Variants in CNTNAP2 observed in about 807,000 individuals in gnomAD.
The protein encoded by CNTNAP2 is contactin associated protein 2.
A neutral mutation model predicts 155.2 loss-of-function variants in CNTNAP2; 98 were observed. The observed-to-expected ratio is 0.63, with a 90% CI of 0.54 to 0.75. The LOEUF is 0.75. CNTNAP2 is among the 30% of genes least tolerant of loss of function. The pLI is 0.00. For synonymous variants in CNTNAP2, 651 were observed against 631.2 expected (o/e 1.03, Z -0.47); for missense variants, 1,727 against 1,688.1 (o/e 1.02, Z -0.40).
At chr7:148,399,319 T>C (rs1250019857) in intron 22 of CNTNAP2, among the ~76,000 whole-genome samples, 1 of 150,200 alleles carries the variant, frequency 6.7e-6, no homozygotes, top group Non-Finnish European at 1.5e-5. Flanking sequence ...TTTTTAAAAA[T>C]ACGTCTAGCC....
rs534497185 is a variant in CNTNAP2, at chr7:148,380,880, G to T, written c.3476-2769G>T. Among the ~76,000 whole-genome samples the T allele has an allele frequency of 3.9e-5, 6 of 152,324 alleles. No individual in the cohort carries two copies. The East Asian group carries it at 9.7e-4, about 25-fold the overall frequency. On this transcript the variant is annotated intron_variant, in intron 21 of 23. Coordinates refer to ENST00000361727, the MANE Select transcript of CNTNAP2 (RefSeq NM_014141.6). Reference sequence around the variant, plus strand: ...CCGCTTTGTGGGACTTGCAACAGGGGTGCCCTCAATTACCCAGCCCACAGC... The same window carrying T: ...CCGCTTTGTGGGACTTGCAACAGGGTTGCCCTCAATTACCCAGCCCACAGC...
At chr7:146,343,790 A>G (rs1373628469) in intron 1 of CNTNAP2, among the ~76,000 whole-genome samples, 2 of 152,236 alleles carry the variant, frequency 1.3e-5, no homozygotes, top group Non-Finnish European at 2.9e-5. Context: ...CATAAAATAA[A>G]GTAAAGGCTA....
intron 1 of CNTNAP2, among the ~76,000 whole-genome samples, chr7:146,718,786 C>T (rs1040523689): frequency 6.6e-5 from 10 of 151,796 alleles, no homozygotes; most frequent in African/African-American, 2.2e-4. Flanking sequence ...GAAAAAGTAA[C>T]GGTATCTTTC....
At position 148,226,600 on chromosome 7, in the gene CNTNAP2, A is replaced by G. The variant is rs946474126; in HGVS notation, c.3248-3046A>G. ...GGCAAAATGATGGAGTTTAACGGGT[A>G]TATGACCTTCCTCTAGGAACACTCA... On this transcript the variant is annotated intron_variant, in intron 19 of 23. Transcript: ENST00000361727. Among the ~76,000 whole-genome samples, 5 of 150,948 alleles carry G rather than the reference A, an allele frequency of 3.3e-5. No individual in the cohort carries two copies. The East Asian group carries it at 7.8e-4, about 23-fold the overall frequency.
At chr7:147,368,549 G>C (rs541304527) in intron 9 of CNTNAP2, among the ~76,000 whole-genome samples, 2 of 152,140 alleles carry the variant, frequency 1.3e-5, no homozygotes, top group Non-Finnish European at 2.9e-5. Flanking sequence ...CCACTGCTTG[G>C]TTCCTGTCCT....
At chr7:146,794,267 G>A (rs540592736) in intron 2 of CNTNAP2, among the ~76,000 whole-genome samples, 87 of 152,242 alleles carry the variant, frequency 5.7e-4, no homozygotes, top group African/African-American at 1.8e-3. Context: ...ATATCTCTAT[G>A]TCTGAACATT....
At chr7:148,194,163 G>GTA (rs1437534930) in intron 18 of CNTNAP2, among the ~76,000 whole-genome samples, 1 of 150,240 alleles carries the variant, frequency 6.7e-6, no homozygotes, top group Admixed American at 6.7e-5. Context: ...GTGTGTGTGT[G>GTA]TACATATTTT....
At chr7:146,143,966 T>A (rs560070535) in intron 1 of CNTNAP2, among the ~76,000 whole-genome samples, 9 of 152,230 alleles carry the variant, frequency 5.9e-5, no homozygotes, top group African/African-American at 2.2e-4. Context: ...TTCACCATGT[T>A]GGCCAGGCTG....
At chr7:147,904,407 G>GCC (rs1391655890) in intron 14 of CNTNAP2, among the ~76,000 whole-genome samples, 1 of 152,136 alleles carries the variant, frequency 6.6e-6, no homozygotes, top group Non-Finnish European at 1.5e-5. Flanking sequence ...TGTGAAAAAG[G>GCC]CCCCAGAAGT....
intron 2 of CNTNAP2, among the ~76,000 whole-genome samples, chr7:146,823,403 C>A (rs1339496111): frequency 1.3e-4 from 14 of 106,712 alleles, no homozygotes; most frequent in Admixed American, 3.8e-4. Flanking sequence ...CAGTATATTT[C>A]CATGTAAATA....
chr7:147,271,292 A>T (rs1259145662), intron 8 of CNTNAP2, among the ~76,000 whole-genome samples: 1 of 152,154 alleles, frequency 6.6e-6, no homozygotes, highest in Non-Finnish European at 1.5e-5. Context: ...GCTTCATGAG[A>T]TTATTTATTT....
At chr7:148,283,127 T>C (rs1269999237) in intron 21 of CNTNAP2, among the ~76,000 whole-genome samples, 4 of 142,422 alleles carry the variant, frequency 2.8e-5, no homozygotes, top group African/African-American at 1.0e-4. Context: ...TAAGCTCAGC[T>C]ACTTGGGAGG....
chr7:147,023,445 T>C (rs985493590), intron 3 of CNTNAP2, among the ~76,000 whole-genome samples: 4 of 152,210 alleles, frequency 2.6e-5, no homozygotes, highest in Non-Finnish European at 4.4e-5. Flanking sequence ...ATCCTTTTTA[T>C]CCAGTCTCCT....
In CNTNAP2 at chr7:147,111,178, G is replaced by A. The variant is rs187186533; in HGVS notation, c.754+2828G>A. Reference sequence around the variant, plus strand: ...GTTGGCCACATGTATATCTTCTTTTGAGAATTGTCTGTTCATGTCCTTTGC... The same window carrying A: ...GTTGGCCACATGTATATCTTCTTTTAAGAATTGTCTGTTCATGTCCTTTGC... On this transcript the variant is annotated intron_variant, in intron 5 of 23. Coordinates refer to ENST00000361727, the MANE Select transcript of CNTNAP2 (RefSeq NM_014141.6). Among the ~76,000 whole-genome samples the A allele has an allele frequency of 3.4e-3, 513 of 152,164 alleles. 3 individuals carry two copies. Among genetic ancestry groups the A allele is most frequent in the Non-Finnish European group, 4.3e-3 (290 of 68,010 alleles).
In CNTNAP2 at chr7:146,721,120, A is replaced by C. The variant is rs559710858; in HGVS notation, c.98-53151A>C. 6.5e-4 allele frequency among the ~76,000 whole-genome samples: 86 copies of C among 132,710 alleles called. 1 individual carries two copies. The highest frequency in any genetic ancestry group is 2.4e-3 in the African/African-American group (85 of 35,760). The allele number at this position is 132,710 out of a possible 152,430, so 87.1% of individuals were successfully genotyped here. A position where few individuals can be genotyped will look rare whatever the true frequency, so the allele number is the denominator to read the frequency against. ...TATATTCTCTATATATATTCTCTCT[A>C]TATATCCTATATATATTCTCTTTAT... On this transcript the variant is annotated intron_variant, in intron 1 of 23. Coordinates refer to ENST00000361727, the MANE Select transcript of CNTNAP2 (RefSeq NM_014141.6).
At chr7:147,279,267 T>C (rs1346567571) in intron 8 of CNTNAP2, among the ~76,000 whole-genome samples, 1 of 151,714 alleles carries the variant, frequency 6.6e-6, no homozygotes, top group Non-Finnish European at 1.5e-5. Context: ...AAAAGTAAAA[T>C]ATAATGCTAT....
intron 8 of CNTNAP2, among the ~76,000 whole-genome samples, chr7:147,230,624 ACAAT>A (rs1392662580): frequency 6.6e-5 from 10 of 152,244 alleles, no homozygotes; most frequent in African/African-American, 2.4e-4. Flanking sequence ...TATAATTATC[ACAAT>A]CAAAGTAATT....
chr7:147,243,808 A>G (rs965488278), intron 8 of CNTNAP2, among the ~76,000 whole-genome samples: 1 of 152,188 alleles, frequency 6.6e-6, no homozygotes, highest in African/African-American at 2.4e-5. Context: ...TTCAGGTCAC[A>G]AAGGGCTGTC....
intron 11 of CNTNAP2, chr7:147,497,134 T>C (rs902132378): frequency 6.6e-6 from 1 of 152,228 alleles, no homozygotes; most frequent in East Asian, 1.9e-4. Flanking sequence ...TGGAAATCTT[T>C]AGACTTAGCC....
Sources: gnomAD v4.1 joint callset for allele counts (sites outside exome capture counted in the v4.1 genomes callset) on GRCh38, gnomAD v4.1.1 for gene constraint, MANE v1.5 for transcripts, NCBI Gene and HGNC (gene_info 2026-07-23, HGNC 2026-07-21) for gene names.